TEP1: variants seen among roughly 807,000 people sequenced by gnomAD.
TEP1 encodes the protein telomerase associated protein 1.
A neutral mutation model predicts 306.3 loss-of-function variants in TEP1; 241 were observed. The observed-to-expected ratio is 0.79, with a 90% CI of 0.71 to 0.88. The LOEUF (loss-of-function observed/expected upper bound fraction) is 0.88, where lower values mean the gene tolerates loss of function less well. Ranked by LOEUF, TEP1 falls within the 40% of genes least tolerant of loss-of-function variation. TEP1 has a pLI of 0.00. For missense variants in TEP1, 3,051 were observed against 3,276.1 expected (o/e 0.93, Z 1.68); for synonymous variants, 1,289 against 1,305.5 (o/e 0.99, Z 0.27).
chr14:20,389,495 A>C (rs1877514938), intron 16 of TEP1, 115 bp downstream of exon 16: 2 of 1,520,160 alleles, frequency 1.3e-6, no homozygotes, highest in African/African-American at 2.7e-5. Flanking sequence ...AGAGGTAAGA[A>C]GGCAGAGTTG....
Position 20,383,856 on chromosome 14 carries a change from G to T in TEP1, c.3597C>A (p.Phe1199Leu). 6.2e-7 allele frequency: 1 copy of T among 1,604,410 alleles called. No individual in the cohort carries two copies. The highest frequency in any genetic ancestry group is 1.1e-5 in the South Asian group (1 of 90,542). The change falls in exon 25 of 55, where the codon TTC (phenylalanine) becomes TTA (leucine). Residue 1199 changes from phenylalanine to leucine, a missense_variant. Phe to Leu is a conservative substitution (Grantham distance 22). Around this residue, in one of 3 missense-constraint regions of TEP1, gnomAD observed 1,507 missense variants for 1,550.5 expected, o/e 0.97. Transcript: ENST00000262715. The stretch of plus-strand genomic sequence containing the variant: ...GGTCAGGACGAGCCCCAGAAAAGTG[G>T]AAGAAGACTAATGATGCCACCTTGG... ...DGAKVASLVF[F>L]HFSGARPDQG...
intron 19 of TEP1, 53 bp from the exon 20 acceptor site, chr14:20,386,248 G>A (rs951714229): frequency 4.3e-6 from 7 of 1,611,090 alleles, no homozygotes; most frequent in African/African-American, 1.3e-5. Flanking sequence ...ATGGTATCAG[G>A]GAACATAGGC....
rs1210176980 is a variant in TEP1, at chr14:20,408,159, G to C, written c.281C>G (p.Pro94Arg). The C allele has an allele frequency of 3.7e-6, 6 of 1,609,690 alleles. No homozygotes were observed. The highest frequency in any genetic ancestry group is 5.1e-6 in the Non-Finnish European group (6 of 1,177,998). Residue 94 changes from proline (P) to arginine (R), a missense_variant, in exon 2 of 55, where the codon CCA (proline) becomes CGA (arginine). Transcript: ENST00000262715. ...TLSDLKTMEK[P>R]HGHVSAHPDI... is the part of the protein sequence containing the mutation. ...TGGGTGGGCAGAAACATGTCCATGT[G>C]GTTTCTCCATGGTCTTCAGGTCAGA...
intron 53 of TEP1, 52 bp from the exon 54 acceptor site, chr14:20,368,954 C>A: frequency 7.5e-7 from 1 of 1,324,690 alleles, no homozygotes; most frequent in East Asian, 2.4e-5. Flanking sequence ...GGCCCCTCCT[C>A]AGAGAAGCAT....
intron 2 of TEP1, 126 bp from the exon 3 acceptor site, chr14:20,406,526 C>T (rs1879189784): frequency 1.0e-6 from 1 of 953,408 alleles, no homozygotes; most frequent in East Asian, 2.4e-5. Flanking sequence ...CTCTAATGTT[C>T]TCTCCCTTCA....
Position 20,381,716 on chromosome 14 carries a change from GA to G in TEP1, c.4425-31del. 6.4e-7 allele frequency: 1 copy of G among 1,566,458 alleles called. No individual in the cohort carries two copies. The highest frequency in any genetic ancestry group is 8.6e-7 in the Non-Finnish European group (1 of 1,158,798). On this transcript the variant is annotated intron_variant, in intron 30 of 54. Transcript: ENST00000262715. The surrounding 1 kb of genome is among the most constrained non-coding windows in gnomAD (Gnocchi z 4.0). ...CCTCGTGTGAGGAAGGGAGAGAGAA[GA>G]AGGAAGAGGCCTGTCAGTGAGCTTC...
chr14:20,384,037 C>T lies in TEP1; in HGVS notation c.3534+1G>A. On this transcript the variant is annotated splice_donor_variant, in intron 24 of 54. Transcript: ENST00000262715. LOFTEE classifies it high-confidence loss of function. ...CTGCCCAGGCCCCTGAGACTCTGTA[C>T]CAGGAAGGCTGTCTTGCCCTGTCCT... 2 of 1,600,788 alleles carry T rather than the reference C, an allele frequency of 1.2e-6. No homozygotes were observed. Among genetic ancestry groups the T allele is most frequent in the Non-Finnish European group, 1.7e-6 (2 of 1,173,558 alleles).
At chr14:20,380,827 T>G in intron 33 of TEP1, 104 bp downstream of exon 33, 1 of 977,540 alleles carries the variant, frequency 1.0e-6, no homozygotes, top group African/African-American at 1.6e-5. Flanking sequence ...TGAATCTTTT[T>G]TCCCTGACAC....
At chr14:20,383,440 CCTT>C (rs201332847) in intron 26 of TEP1, 45 bp downstream of exon 26, 21,834 of 1,613,022 alleles carry the variant, frequency 0.014, 203 homozygotes, top group Non-Finnish European at 0.017. Flanking sequence ...CCGTATCCCT[CCTT>C]CTCCCCAGCC....
At chr14:20,377,523 A>G in intron 40 of TEP1, 31 bp from the exon 41 acceptor site, 1 of 1,612,378 alleles carries the variant, frequency 6.2e-7, no homozygotes, top group Admixed American at 1.7e-5. Context: ...AGGGAGTAAG[A>G]CACTTGGGAA....
chr14:20,382,962 G>A lies in TEP1; in HGVS notation c.4047+212C>T, dbSNP rs116848433. Among the ~76,000 whole-genome samples, 355 of 152,304 alleles carry A rather than the reference G, an allele frequency of 2.3e-3. 4 individuals carry two copies. The highest frequency in any genetic ancestry group is 0.011 in the South Asian group (54 of 4,824). ...ACCACTTGACTCATCCCCTCACCCC[G>A]AGAGGCCCTGGAAAGGCCATTCACC... On this transcript the variant is annotated intron_variant, in intron 27 of 54. Transcript: ENST00000262715.
Position 20,375,774 on chromosome 14 carries a change from C to T in TEP1, c.6344G>A (p.Trp2115Ter). The change falls in exon 43 of 55, where the codon TGG becomes TAG. Residue 2115 changes from tryptophan (W) to a stop codon, truncating the protein, a stop_gained. Transcript: ENST00000262715. LOFTEE classifies it high-confidence loss of function. ...ACTCACCAGTAGGTTATCTTTGGTC[C>T]AGGCACAGCCAGTGACCCAGTCACG... ...CHRDWVTGCA[W>*]TKDNLLISCS... The T allele has an allele frequency of 1.2e-6, 2 of 1,613,276 alleles. No individual in the cohort carries two copies. Among genetic ancestry groups the T allele is most frequent in the Non-Finnish European group, 1.7e-6 (2 of 1,179,740 alleles).
rs191407353 is a variant in TEP1 at position 20,404,228 on chromosome 14, G to A, written c.1033-344C>T. ...AAATTAGCCAGGCGTGGTGGCGCAC[G>A]CCTGTAATCCCAGCTACTTGGGAGG... On this transcript the variant is annotated intron_variant, in intron 5 of 54. Coordinates refer to ENST00000262715, the MANE Select transcript of TEP1 (RefSeq NM_007110.5). 6.7e-3 allele frequency among the ~76,000 whole-genome samples: 1,023 copies of A among 152,098 alleles called. 12 individuals carry two copies. The highest frequency in any genetic ancestry group is 0.023 in the African/African-American group (971 of 41,474).
At chr14:20,377,902 G>A (rs1436578584) in intron 39 of TEP1, 122 bp downstream of exon 39, 30 of 1,459,766 alleles carry the variant, frequency 2.1e-5, no homozygotes, top group Admixed American at 8.8e-5. Context: ...CCCTCTCCCC[G>A]TGGTTCCTGC....
rs1878929594 is a variant in TEP1, at chr14:20,403,563, G to C, written c.1195-115C>G. 5.7e-6 allele frequency: 9 copies of C among 1,587,830 alleles called. No individual in the cohort carries two copies. In the Admixed American group the frequency reaches 1.3e-4, roughly 23 times the overall value. On this transcript the variant is annotated intron_variant, in intron 6 of 54. Coordinates refer to ENST00000262715, the MANE Select transcript of TEP1 (RefSeq NM_007110.5). The stretch of plus-strand genomic sequence containing the variant: ...AAAAAGGAAGCCAACTAGAAAAGAA[G>C]ACTGCCCTGCACCATATGCCCATGA...
intron 51 of TEP1, among the ~76,000 whole-genome samples, chr14:20,370,705 T>G (rs1187761411): frequency 1.3e-5 from 2 of 152,072 alleles, no homozygotes; most frequent in Admixed American, 6.6e-5. Flanking sequence ...TATTTAGGAG[T>G]GGAATCACTG....
rs746845018 is a variant in TEP1, at chr14:20,386,539, T to G, written c.2769A>C (p.Pro923=). 1.2e-6 allele frequency: 2 copies of G among 1,613,028 alleles called. No homozygotes were observed. Among genetic ancestry groups the G allele is most frequent in the Non-Finnish European group, 1.7e-6 (2 of 1,179,418 alleles). The change falls in exon 19 of 55, where the codon CCA becomes CCC. Residue 923 remains proline (P), a synonymous_variant. Coordinates refer to ENST00000262715, the MANE Select transcript of TEP1 (RefSeq NM_007110.5). The part of the protein sequence containing the change: ...ERDLLLRSVL[P]ALQARAAPHR... The stretch of plus-strand genomic sequence containing the variant: ...GAGGGGCCGCTCGGGCCTGCAGTGC[T>G]GGCAGCACAGACCTCAGCAGCAGGT...
intron 8 of TEP1, 76 bp from the exon 9 acceptor site, chr14:20,401,217 T>G: frequency 6.4e-7 from 1 of 1,550,786 alleles, no homozygotes; most frequent in African/African-American, 1.4e-5. Flanking sequence ...AGGTGAGTCA[T>G]GTTTACAGGG....
chr14:20,403,421 A>T lies in TEP1; in HGVS notation c.1222T>A (p.Cys408Ser), dbSNP rs368068653. 16 of 1,614,208 alleles carry T rather than the reference A, an allele frequency of 9.9e-6. No homozygotes were observed. The highest frequency in any genetic ancestry group is 1.6e-4 in the Middle Eastern group (1 of 6,062). Residue 408 changes from cysteine to serine, a missense_variant, in exon 7 of 55, where the codon TGT becomes AGT. Cys to Ser is a moderately radical substitution (Grantham distance 112). This residue lies in a region of TEP1 where 1,507 missense variants were observed against 1,550.5 expected (regional missense o/e 0.97). Transcript: ENST00000262715. ...AGAAACCCTATGTACCTTGGAAAAC[A>T]TCTGTGAGAAAATGGAGGCTCCATC... ...PGMEPPFSHR[C>S]FPRYIGFLRE...
Sources: gnomAD v4.1 joint callset for allele counts (sites outside exome capture counted in the v4.1 genomes callset) on GRCh38, gnomAD v4.1.1 for gene constraint, gnomAD v4.1.1 regional missense constraint, Gnocchi (gnomAD v3.1) non-coding constraint, MANE v1.5 for transcripts, NCBI Gene and HGNC (gene_info 2026-07-23, HGNC 2026-07-21) for gene names.